SHISA4: variants seen among roughly 807,000 people sequenced by gnomAD.
The protein encoded by SHISA4 is protein shisa-4.
In SHISA4, 16 loss-of-function variants were observed where a neutral mutation model predicts 24.2. That is an observed-to-expected ratio of 0.66 (90% CI 0.45 to 1.00). The LOEUF (loss-of-function observed/expected upper bound fraction) is 1.00, where lower values mean the gene tolerates loss of function less well. Among genes scored for constraint, SHISA4 ranks in the 50% least tolerant of loss-of-function variants. The pLI, the probability that SHISA4 is intolerant of heterozygous loss-of-function variation, is 0.00. For synonymous variants in SHISA4, 106 were observed against 105.4 expected (o/e 1.01, Z -0.04); for missense variants, 238 against 258.9 (o/e 0.92, Z 0.55).
chr1:201,890,856 T>A (rs1325220798), intron 3 of SHISA4, among the ~76,000 whole-genome samples: 1 of 152,152 alleles, frequency 6.6e-6, no homozygotes, highest in Admixed American at 6.5e-5. Flanking sequence ...TCAACAATAG[T>A]GGGTGCAGTG....
In SHISA4 at chr1:201,891,508, A is replaced by G; in HGVS notation, c.487A>G (p.Ser163Gly). The G allele has an allele frequency of 6.2e-7, 1 of 1,613,640 alleles. No homozygotes were observed. The highest frequency in any genetic ancestry group is 8.5e-7 in the Non-Finnish European group (1 of 1,179,812). Residue 163 changes from serine to glycine, a missense_variant, in exon 4 of 5, where the codon AGT becomes GGT. Physicochemically the swap from Ser to Gly is moderately conservative, Grantham distance 56. Transcript: ENST00000362011. Reference protein sequence around the residue: ...PPQPGFIYPPSGPAPQYPLYP... With the variant: ...PPQPGFIYPPGGPAPQYPLYP... ...ACAGCCTGGCTTCATATACCCACCT[A>G]GTGGTCCTGCTCCCCAATATCCACT...
At chr1:201,890,117 T>C (rs1030458285) in intron 2 of SHISA4, among the ~76,000 whole-genome samples, 3 of 152,196 alleles carry the variant, frequency 2.0e-5, no homozygotes, top group East Asian at 1.9e-4. Flanking sequence ...AGACTTCTGA[T>C]TGAAGCGGGG....
intron 1 of SHISA4, 37 bp downstream of exon 1, chr1:201,889,104 G>C: frequency 7.2e-7 from 1 of 1,384,392 alleles, no homozygotes; most frequent in Non-Finnish European, 9.4e-7. Context: ...GGAGTGGGAT[G>C]GGGGCGGAGG....
chr1:201,889,329 G>A (rs1681046982), intron 1 of SHISA4, 116 bp from the exon 2 acceptor site: 11 of 1,424,924 alleles, frequency 7.7e-6, no homozygotes, highest in South Asian at 7.7e-5. Context: ...GAGACAAGGG[G>A]CAACCCTCAG....
At position 201,889,571 on chromosome 1, in the gene SHISA4, C is replaced by A. The variant is rs1201457196; in HGVS notation, c.200C>A (p.Thr67Asn). 2 of 1,613,864 alleles carry A rather than the reference C, an allele frequency of 1.2e-6. No individual in the cohort carries two copies. Among genetic ancestry groups the A allele is most frequent in the Middle Eastern group, 1.6e-4 (1 of 6,084 alleles). Residue 67 changes from threonine (T) to asparagine (N), a missense_variant, in exon 2 of 5, where the codon ACC becomes AAC. By Grantham distance (65) the Thr-to-Asn change is moderately conservative (BLOSUM62 0). Transcript: ENST00000362011. Reference protein sequence around the residue: ...CYHRYCCRDLTLLITERQQKH... With the variant: ...CYHRYCCRDLNLLITERQQKH... ...CATCGGTACTGCTGCAGGGACCTGA[C>A]CTTGCTTATCACCGAGAGGCAGCAG... is the stretch of plus-strand genomic sequence containing the variant.
upstream of SHISA4, chr1:201,888,700 G>A: frequency 3.1e-6 from 1 of 320,034 alleles, no homozygotes; most frequent in Non-Finnish European, 5.7e-6. Flanking sequence ...TGGCTCGGAT[G>A]GGAGGAACCA....
Position 201,892,065 on chromosome 1 carries a change from G to A in SHISA4, c.*219G>A. ...GTTGGGGGGAGGGCTTGGAATTATG[G>A]GCTATTTTTACTGGGGGCAAGGGAG... is the stretch of plus-strand genomic sequence containing the variant. On this transcript the variant is annotated 3_prime_UTR_variant, in exon 5 of 5. Coordinates refer to ENST00000362011, the MANE Select transcript of SHISA4 (RefSeq NM_198149.3). The A allele has an allele frequency of 1.7e-6, 1 of 580,852 alleles. No homozygotes were observed. Among genetic ancestry groups the A allele is most frequent in the South Asian group, 2.0e-5 (1 of 49,160 alleles). The allele number at this position is 580,852 out of a possible 1,614,324, so 36.0% of individuals were successfully genotyped here. A position where few individuals can be genotyped will look rare whatever the true frequency, so the allele number is the denominator to read the frequency against.
At chr1:201,889,235 TG>T (rs1210560779) in intron 1 of SHISA4, 168 bp downstream of exon 1, 2 of 913,532 alleles carry the variant, frequency 2.2e-6, no homozygotes, top group Non-Finnish European at 3.2e-6. Context: ...TCCAGGATGC[TG>T]GGCCATGGGA....
At chr1:201,891,328 G>T in intron 3 of SHISA4, 73 bp from the exon 4 acceptor site, 1 of 1,596,696 alleles carries the variant, frequency 6.3e-7, no homozygotes, top group Non-Finnish European at 8.6e-7. Context: ...GCTTACCTTG[G>T]TTTCCTGGGC....
Position 201,889,632 on chromosome 1 carries a change from C to A in SHISA4, c.245+16C>A. The A allele has an allele frequency of 6.2e-7, 1 of 1,612,582 alleles. No individual in the cohort carries two copies. Among genetic ancestry groups the A allele is most frequent in the African/African-American group, 1.3e-5 (1 of 74,978 alleles). ...TGGCCTTCAGGTGGGTTCCTGCCTC[C>A]TCACCCTCACCACCTCCTCTATCCT... On this transcript the variant is annotated intron_variant, in intron 2 of 4. Transcript: ENST00000362011.
Position 201,890,558 on chromosome 1 carries a change from G to C in SHISA4, c.350G>C (p.Arg117Pro). The C allele has an allele frequency of 1.2e-6, 2 of 1,614,194 alleles. No individual in the cohort carries two copies. The highest frequency in any genetic ancestry group is 1.3e-5 in the African/African-American group (1 of 75,054). ...FLCSCCYLYRRRQQLQSPFEG... is the reference protein window; with the variant it reads ...FLCSCCYLYRPRQQLQSPFEG... ...TGTTCCTGTTGCTACCTGTACCGCC[G>C]GCGCCAGCAGCTCCAGAGCCCATTT... The change falls in exon 3 of 5, where the codon CGG becomes CCG. Residue 117 changes from arginine to proline, a missense_variant. Coordinates refer to ENST00000362011, the MANE Select transcript of SHISA4 (RefSeq NM_198149.3).
Position 201,891,934 on chromosome 1 carries a change from G to A in SHISA4, c.*88G>A. The A allele has an allele frequency of 6.6e-7, 1 of 1,518,962 alleles. No individual in the cohort carries two copies. The highest frequency in any genetic ancestry group is 2.3e-5 in the East Asian group (1 of 44,380). The allele number at this position is 1,518,962 out of a possible 1,614,324, so 94.1% of individuals were successfully genotyped here. A position where few individuals can be genotyped will look rare whatever the true frequency, so the allele number is the denominator to read the frequency against. The stretch of plus-strand genomic sequence containing the variant: ...GTACCTGCATCTGGTCCTGGGGGTG[G>A]CAGGAGTCCTCCAGCCACCAGGCCC... On this transcript the variant is annotated 3_prime_UTR_variant, in exon 5 of 5. Coordinates refer to ENST00000362011, the MANE Select transcript of SHISA4 (RefSeq NM_198149.3).
chr1:201,891,787 CT>C lies in SHISA4; in HGVS notation c.548-10del, dbSNP rs756478180. 60 of 1,614,126 alleles carry C rather than the reference CT, an allele frequency of 3.7e-5. No homozygotes were observed. The African/African-American group carries it at 7.2e-4, about 19-fold the overall frequency. ...GCCACCACTCACCCTCATCCTGTCT[CT>C]TTGGCTTTCAGCTCCTCCTCCCTAT... is the stretch of plus-strand genomic sequence containing the variant. On this transcript the variant is annotated splice_polypyrimidine_tract_variant and intron_variant, in intron 4 of 4. Transcript: ENST00000362011.
In SHISA4 at chr1:201,892,090, G is replaced by A; in HGVS notation, c.*244G>A. The A allele has an allele frequency of 3.8e-6, 2 of 532,722 alleles. No homozygotes were observed. 33.0% of individuals were successfully genotyped at this position (532,722 alleles called of 1,614,324 possible). On this transcript the variant is annotated 3_prime_UTR_variant, in exon 5 of 5. Transcript: ENST00000362011. Reference sequence around the variant, plus strand: ...GGCTATTTTTACTGGGGGCAAGGGAGGGAGATGACAGCCTGGGTCACAGTG... The same window carrying A: ...GGCTATTTTTACTGGGGGCAAGGGAAGGAGATGACAGCCTGGGTCACAGTG...
chr1:201,890,336 A>G lies in SHISA4; in HGVS notation c.246-118A>G. ...CACAGGGACTGGGCAGAGCCCCACAAGGAACCCCAAATCTCAGCATGCCAT... is the reference window on the plus strand; with the variant it reads ...CACAGGGACTGGGCAGAGCCCCACAGGGAACCCCAAATCTCAGCATGCCAT... On this transcript the variant is annotated intron_variant, in intron 2 of 4. Coordinates refer to ENST00000362011, the MANE Select transcript of SHISA4 (RefSeq NM_198149.3). 2.9e-6 allele frequency: 4 copies of G among 1,374,990 alleles called. No individual in the cohort carries two copies. In the South Asian group the frequency reaches 5.5e-5, roughly 19 times the overall value. 85.2% of individuals were successfully genotyped at this position (1,374,990 alleles called of 1,614,324 possible).
Position 201,891,795 on chromosome 1 carries a change from T to C in SHISA4, c.548-5T>C. 1 of 1,614,068 alleles carries C rather than the reference T, an allele frequency of 6.2e-7. No homozygotes were observed. The highest frequency in any genetic ancestry group is 8.5e-7 in the Non-Finnish European group (1 of 1,179,986). On this transcript the variant is annotated splice_region_variant and splice_polypyrimidine_tract_variant and intron_variant, in intron 4 of 4. Coordinates refer to ENST00000362011, the MANE Select transcript of SHISA4 (RefSeq NM_198149.3). ...TCACCCTCATCCTGTCTCTTTGGCT[T>C]TCAGCTCCTCCTCCCTATATGCCAC...
chr1:201,891,700 C>T, intron 4 of SHISA4, 100 bp from the exon 5 acceptor site: 1 of 1,552,352 alleles, frequency 6.4e-7, no homozygotes, highest in Non-Finnish European at 8.9e-7. Flanking sequence ...ACCTCCAGGC[C>T]CACTCTTCCC....
In SHISA4 at chr1:201,892,106, G is replaced by A. The variant is rs1681112153; in HGVS notation, c.*260G>A. 1.4e-5 allele frequency: 7 copies of A among 492,214 alleles called. No homozygotes were observed. The South Asian group carries it at 1.7e-4, about 12-fold the overall frequency. The allele number at this position is 492,214 out of a possible 1,614,324, so 30.5% of individuals were successfully genotyped here. Reference sequence around the variant, plus strand: ...GGCAAGGGAGGGAGATGACAGCCTGGGTCACAGTGCCTGTTTTCAAATAGT... The same window carrying A: ...GGCAAGGGAGGGAGATGACAGCCTGAGTCACAGTGCCTGTTTTCAAATAGT... On this transcript the variant is annotated 3_prime_UTR_variant, in exon 5 of 5. Transcript: ENST00000362011.
Position 201,892,580 on chromosome 1 carries a change from A to T in SHISA4, c.*734A>T, listed in dbSNP as rs572407622. On this transcript the variant is annotated 3_prime_UTR_variant, in exon 5 of 5. Coordinates refer to ENST00000362011, the MANE Select transcript of SHISA4 (RefSeq NM_198149.3). Reference sequence around the variant, plus strand: ...TTCCCTGCTAGGGATCAACAGCTCTACAACAGCTGAGGCACTGCTAACTGT... The same window carrying T: ...TTCCCTGCTAGGGATCAACAGCTCTTCAACAGCTGAGGCACTGCTAACTGT... 3.3e-5 allele frequency among the ~76,000 whole-genome samples: 5 copies of T among 152,326 alleles called. No homozygotes were observed. In the East Asian group the frequency reaches 9.6e-4, roughly 29 times the overall value.
Sources: gnomAD v4.1 joint callset for allele counts (sites outside exome capture counted in the v4.1 genomes callset) on GRCh38, gnomAD v4.1.1 for gene constraint, MANE v1.5 for transcripts, NCBI Gene and HGNC (gene_info 2026-07-23, HGNC 2026-07-21) for gene names.